The following DTNA variants were observed in gnomAD, a reference collection of about 807,000 sequenced individuals.
DTNA encodes dystrophin-related protein 3.
A neutral mutation model predicts 100.7 loss-of-function variants in DTNA; 43 were observed. The observed-to-expected ratio is 0.43, with a 90% CI of 0.33 to 0.55. The LOEUF (loss-of-function observed/expected upper bound fraction) is 0.55, where lower values mean the gene tolerates loss of function less well. Ranked by LOEUF, DTNA falls within the 20% of genes least tolerant of loss-of-function variation. The pLI, the probability that DTNA is intolerant of heterozygous loss-of-function variation, is 0.04. For synonymous variants in DTNA, 349 were observed against 347.9 expected (o/e 1.00, Z -0.04); for missense variants, 798 against 953.9 (o/e 0.84, Z 2.15).
intron 1 of DTNA, among the ~76,000 whole-genome samples, chr18:34,566,484 C>T: frequency 6.6e-6 from 1 of 152,214 alleles, no homozygotes; most frequent in East Asian, 1.9e-4. Flanking sequence ...GCCTTCCCTT[C>T]ATAACACCCA....
At chr18:34,496,579 A>G (rs1296718469) in intron 1 of DTNA, among the ~76,000 whole-genome samples, 1 of 152,116 alleles carries the variant, frequency 6.6e-6, no homozygotes, top group African/African-American at 2.4e-5. Context: ...GCTTCTACAG[A>G]GCCTCTTTTT....
At chr18:34,500,772 A>AT (rs933597638) in intron 1 of DTNA, among the ~76,000 whole-genome samples, 8 of 151,892 alleles carry the variant, frequency 5.3e-5, no homozygotes, top group South Asian at 2.1e-4. Context: ...CCAGTTCTAT[A>AT]TTTTTTTGAC....
chr18:34,597,252 C>A (rs999247924), intron 1 of DTNA, among the ~76,000 whole-genome samples: 1 of 152,106 alleles, frequency 6.6e-6, no homozygotes, highest in Non-Finnish European at 1.5e-5. Context: ...TTTCTTTAAC[C>A]TCTAATCCAT....
intron 1 of DTNA, among the ~76,000 whole-genome samples, chr18:34,689,406 C>A (rs2079402070): frequency 6.6e-6 from 1 of 152,146 alleles, no homozygotes; most frequent in Non-Finnish European, 1.5e-5. Context: ...GGCCCCTCTG[C>A]TGCAGGTCTG....
chr18:34,500,352 A>G (rs1205161068), intron 1 of DTNA, among the ~76,000 whole-genome samples: 1 of 150,880 alleles, frequency 6.6e-6, no homozygotes, highest in Non-Finnish European at 1.5e-5. Context: ...ATTCAGTGCA[A>G]ATATATTGAA....
At chr18:34,806,107 TG>T (rs1334193587) in intron 4 of DTNA, 111 bp from the exon 5 acceptor site, 20 of 905,328 alleles carry the variant, frequency 2.2e-5, no homozygotes, top group Non-Finnish European at 3.5e-5. Flanking sequence ...CTATGTATCC[TG>T]TGATTTCTAC....
At chr18:34,569,290 A>C (rs562219663) in intron 1 of DTNA, among the ~76,000 whole-genome samples, 1 of 152,308 alleles carries the variant, frequency 6.6e-6, no homozygotes, top group South Asian at 2.1e-4. Flanking sequence ...TATTAGACCA[A>C]ACTCGCAACA....
intron 1 of DTNA, among the ~76,000 whole-genome samples, chr18:34,544,834 C>G (rs759738798): frequency 1.1e-4 from 16 of 151,464 alleles, no homozygotes; most frequent in African/African-American, 3.6e-4. Context: ...TGGAGACTTG[C>G]AATGGGTAAA....
At chr18:34,680,492 T>C (rs998262506) in intron 1 of DTNA, among the ~76,000 whole-genome samples, 2 of 152,190 alleles carry the variant, frequency 1.3e-5, no homozygotes, top group Non-Finnish European at 2.9e-5. Context: ...AGCATATACC[T>C]ATGTTTACAA....
chr18:34,803,086 A>T lies in DTNA; in HGVS notation c.363-3133A>T, dbSNP rs775780131. Among the ~76,000 whole-genome samples, 5 of 152,274 alleles carry T rather than the reference A, an allele frequency of 3.3e-5. No individual in the cohort carries two copies. The Middle Eastern group carries it at 0.014, about 414-fold the overall frequency. ...CATAAATATTTATCCAGTGCCTGGG[A>T]TAAGCAAAGTATGAACTCACCCAGT... is the stretch of plus-strand genomic sequence containing the variant. On this transcript the variant is annotated intron_variant, in intron 4 of 22. Transcript: ENST00000444659.
intron 8 of DTNA, among the ~76,000 whole-genome samples, chr18:34,820,157 A>T (rs748097542): frequency 1.3e-4 from 19 of 151,968 alleles, no homozygotes; most frequent in Non-Finnish European, 2.4e-4. Flanking sequence ...AATTCTGAAG[A>T]CTCAGATTGA....
chr18:34,765,998 C>T lies in DTNA; in HGVS notation c.105C>T (p.Tyr35=). 1 of 1,613,850 alleles carries T rather than the reference C, an allele frequency of 6.2e-7. No individual in the cohort carries two copies. Among genetic ancestry groups the T allele is most frequent in the Non-Finnish European group, 8.5e-7 (1 of 1,179,790 alleles). ...QDLDRIRLST[Y]RTACKLRFVQ... ...TGGATCGCATCCGACTCTCCACCTA[C>T]AGAACAGCATGCAAGCTTAGGTTTG... The change falls in exon 3 of 23, where the codon TAC becomes TAT. Residue 35 remains tyrosine, a synonymous_variant. Coordinates refer to ENST00000444659, the MANE Select transcript of DTNA (RefSeq NM_001386795.1).
chr18:34,776,499 A>G (rs1400785257), intron 3 of DTNA, among the ~76,000 whole-genome samples: 1 of 151,930 alleles, frequency 6.6e-6, no homozygotes, highest in Non-Finnish European at 1.5e-5. Flanking sequence ...TTGCCACCAC[A>G]CCTGACTAAT....
chr18:34,728,475 C>T (rs1254055715), intron 1 of DTNA, among the ~76,000 whole-genome samples: 1 of 152,028 alleles, frequency 6.6e-6, no homozygotes, highest in Non-Finnish European at 1.5e-5. Context: ...CCTAAAATTT[C>T]TATTCTCATC....
At chr18:34,506,664 G>A (rs1400542944) in intron 1 of DTNA, among the ~76,000 whole-genome samples, 1 of 152,142 alleles carries the variant, frequency 6.6e-6, no homozygotes. Flanking sequence ...TGTGCCTGAT[G>A]GCATTTCTGG....
intron 11 of DTNA, among the ~76,000 whole-genome samples, chr18:34,831,776 T>A (rs1181090314): frequency 6.6e-6 from 1 of 151,984 alleles, no homozygotes; most frequent in Non-Finnish European, 1.5e-5. Context: ...CTCAAAAAAA[T>A]AAAAAATGAT....
chr18:34,814,605 T>A (rs912321054), intron 6 of DTNA, among the ~76,000 whole-genome samples: 7 of 151,862 alleles, frequency 4.6e-5, no homozygotes, highest in African/African-American at 1.7e-4. Flanking sequence ...GATGAGAGGA[T>A]CCCTTTAGCC....
At position 34,856,104 on chromosome 18, in the gene DTNA, GGAGT is replaced by G. The variant is rs33922660; in HGVS notation, c.1533-2177_1533-2174del. Among the ~76,000 whole-genome samples, 1,485 of 152,268 alleles carry G rather than the reference GGAGT, an allele frequency of 9.8e-3. 32 individuals are homozygous for G. Among genetic ancestry groups the G allele is most frequent in the African/African-American group, 0.034 (1,426 of 41,542 alleles). On this transcript the variant is annotated intron_variant, in intron 15 of 22. Coordinates refer to ENST00000444659, the MANE Select transcript of DTNA (RefSeq NM_001386795.1). ...AGGACTAGAGAGGAAAAAAGAAATA[GGAGT>G]GAGAAGAGATGGCGGAAAGAGAGAT...
intron 1 of DTNA, among the ~76,000 whole-genome samples, chr18:34,754,736 C>A (rs1427422721): frequency 6.6e-6 from 1 of 152,172 alleles, no homozygotes; most frequent in East Asian, 1.9e-4. Context: ...ATTAACATAT[C>A]CATCACCTCA....
Sources: allele counts gnomAD v4.1 joint callset (sites outside exome capture counted in the v4.1 genomes callset), GRCh38; gene constraint gnomAD v4.1.1; transcripts MANE v1.5; gene names NCBI Gene and HGNC (gene_info 2026-07-23, HGNC 2026-07-21).